The following ATG13 variants were observed in gnomAD, a reference collection of about 807,000 sequenced individuals.
ATG13 encodes autophagy related 13.
Under a neutral mutation model 65.5 loss-of-function variants are expected in ATG13, and 23 were observed. That is an observed-to-expected ratio of 0.35 (90% CI 0.25 to 0.50). The LOEUF is 0.50. Among genes scored for constraint, ATG13 ranks in the 20% least tolerant of loss-of-function variants. ATG13 has a pLI of 0.98. For missense variants in ATG13, 566 were observed against 677.0 expected (o/e 0.84, Z 1.82); for synonymous variants, 252 against 245.2 (o/e 1.03, Z -0.26).
chr11:46,633,070 G>A (rs2052550268), intron 2 of ATG13, among the ~76,000 whole-genome samples: 1 of 142,552 alleles, frequency 7.0e-6, no homozygotes, highest in African/African-American at 2.6e-5. Context: ...TGTCGCCCAG[G>A]CTGGAGTGCA....
intron 2 of ATG13, among the ~76,000 whole-genome samples, chr11:46,635,677 T>C (rs192861943): frequency 4.6e-5 from 7 of 152,348 alleles, no homozygotes; most frequent in Admixed American, 3.3e-4. Flanking sequence ...ATTTATCTTG[T>C]AGAGGATGAA....
intron 10 of ATG13, among the ~76,000 whole-genome samples, chr11:46,658,065 T>C (rs1021527594): frequency 1.3e-5 from 2 of 149,010 alleles, no homozygotes; most frequent in African/African-American, 4.9e-5. Flanking sequence ...TGAGACTCCT[T>C]CTCAAAAAAA....
At chr11:46,666,281 G>A (rs2062343746) in intron 14 of ATG13, among the ~76,000 whole-genome samples, 1 of 152,134 alleles carries the variant, frequency 6.6e-6, no homozygotes, top group African/African-American at 2.4e-5. Flanking sequence ...GTTGTCAGAT[G>A]TTTTTCTCTT....
At chr11:46,622,125 A>G (rs5791735) in intron 1 of ATG13, among the ~76,000 whole-genome samples, 2 of 79,030 alleles carry the variant, frequency 2.5e-5, no homozygotes, top group Non-Finnish European at 4.8e-5. Context: ...ATATATATAT[A>G]TATTTATTTT....
chr11:46,633,026 A>ATTTTT (rs746504456), intron 2 of ATG13, among the ~76,000 whole-genome samples: 113 of 90,682 alleles, frequency 1.2e-3, no homozygotes, highest in African/African-American at 6.8e-3. Context: ...ATATATATAT[A>ATTTTT]TTTTTTTTTT....
At chr11:46,659,206 A>C (rs768823226) in intron 10 of ATG13, 186 bp from the exon 11 acceptor site, 3 of 540,222 alleles carry the variant, frequency 5.6e-6, no homozygotes, top group Non-Finnish European at 9.9e-6. Context: ...AACATTGTCA[A>C]ACCTCTGAGT....
Position 46,667,816 on chromosome 11 carries a change from T to C in ATG13, c.1180T>C (p.Ser394Pro), listed in dbSNP as rs369262344. ...ATCAAACAGCAGTGAGGGACGGGCC[T>C]CCCCTCACGATGTCTTGGAGACCAT... Reference protein sequence around the residue: ...TVSNSSEGRASPHDVLETIFV... With the variant: ...TVSNSSEGRAPPHDVLETIFV... The change falls in exon 15 of 19, where the codon TCC (serine) becomes CCC (proline). Residue 394 changes from serine to proline, a missense_variant. This residue lies in a region of ATG13 where 387 missense variants were observed against 409.8 expected (regional missense o/e 0.94). Coordinates refer to ENST00000683050, the MANE Select transcript of ATG13 (RefSeq NM_001346311.2). The C allele has an allele frequency of 7.4e-6, 12 of 1,611,714 alleles. No homozygotes were observed. In the African/African-American group the frequency reaches 1.5e-4, roughly 20 times the overall value.
intron 5 of ATG13, among the ~76,000 whole-genome samples, chr11:46,647,809 G>A (rs1362869861): frequency 6.8e-6 from 1 of 147,002 alleles, no homozygotes; most frequent in Non-Finnish European, 1.5e-5. Context: ...GTGCAGTTCT[G>A]CTTATAGCTC....
Position 46,617,896 on chromosome 11 carries a change from A to G in ATG13, c.-70+6A>G, listed in dbSNP as rs1380414837. ...TTTGTGCCGCAGCTTCGCAGGTACTAACTTTTGCGGGGGATACCCCAAGAT... is the reference window on the plus strand; with the variant it reads ...TTTGTGCCGCAGCTTCGCAGGTACTGACTTTTGCGGGGGATACCCCAAGAT... On this transcript the variant is annotated splice_donor_region_variant and intron_variant, in intron 1 of 18. Transcript: ENST00000683050. 1 of 399,046 alleles carries G rather than the reference A, an allele frequency of 2.5e-6. No individual in the cohort carries two copies. The highest frequency in any genetic ancestry group is 4.4e-6 in the Non-Finnish European group (1 of 226,106). The allele number at this position is 399,046 out of a possible 1,614,324, so 24.7% of individuals were successfully genotyped here.
In ATG13 at chr11:46,664,050, G is replaced by A. The variant is rs376192845; in HGVS notation, c.843G>A (p.Thr281=). The A allele has an allele frequency of 2.4e-5, 39 of 1,597,154 alleles. No individual in the cohort carries two copies. The highest frequency in any genetic ancestry group is 1.1e-4 in the African/African-American group (8 of 74,664). The change falls in exon 12 of 19, where the codon ACG becomes ACA. Residue 281 remains threonine (T), a synonymous_variant. Coordinates refer to ENST00000683050, the MANE Select transcript of ATG13 (RefSeq NM_001346311.2). The stretch of plus-strand genomic sequence containing the variant: ...TTCAGACCCCTACTCCTGTGGTGAC[G>A]GACACCCTGAGGGTCCCCATGGCAG... ...AHFQTPTPVV[T]DTLRVPMAGL...
intron 9 of ATG13, 34 bp downstream of exon 9, chr11:46,657,225 T>G: frequency 6.4e-7 from 1 of 1,574,546 alleles, no homozygotes; most frequent in Non-Finnish European, 8.7e-7. Flanking sequence ...AAAGAACTCT[T>G]CCGAAAATGT....
At position 46,660,389 on chromosome 11, in the gene ATG13, T is replaced by TG. The variant is rs945426251; in HGVS notation, c.789+904_789+905insG. Among the ~76,000 whole-genome samples the TG allele has an allele frequency of 2.9e-3, 439 of 150,850 alleles. 22 individuals are homozygous for TG. The highest frequency in any genetic ancestry group is 5.2e-4 in the Non-Finnish European group (35 of 67,702). ...TTTTTATTTACTGTTGTTGTTGGTT[T>TG]TTTTTTTTTTTCAATTTTTCTTTTT... is the stretch of plus-strand genomic sequence containing the variant. On this transcript the variant is annotated intron_variant, in intron 11 of 18. Coordinates refer to ENST00000683050, the MANE Select transcript of ATG13 (RefSeq NM_001346311.2).
intron 5 of ATG13, 59 bp from the exon 6 acceptor site, chr11:46,649,076 CTG>C (rs1203512871): frequency 2.8e-5 from 40 of 1,419,090 alleles, no homozygotes; most frequent in Non-Finnish European, 3.5e-5. Context: ...TTTATAGTGA[CTG>C]TAATGCTTTG....
In ATG13 at chr11:46,644,280, T is replaced by A. The variant is rs773734147; in HGVS notation, c.-12T>A. 1 of 1,578,508 alleles carries A rather than the reference T, an allele frequency of 6.3e-7. No homozygotes were observed. The highest frequency in any genetic ancestry group is 1.2e-5 in the South Asian group (1 of 84,650). On this transcript the variant is annotated splice_region_variant and 5_prime_UTR_variant, in exon 3 of 19. Transcript: ENST00000683050. Reference sequence around the variant, plus strand: ...ATTTTTTTCACTTTTTTTTTTTAGATTCCTATAGGCAATGGAAACTGATCT... The same window carrying A: ...ATTTTTTTCACTTTTTTTTTTTAGAATCCTATAGGCAATGGAAACTGATCT...
Position 46,657,024 on chromosome 11 carries a change from A to G in ATG13, c.500-71A>G, listed in dbSNP as rs1011285041. ...GATTACACAATAGGCCAAATAATTC[A>G]GGGAAAGACGGTCTGGGGGCAGTGT... On this transcript the variant is annotated intron_variant, in intron 8 of 18. Transcript: ENST00000683050. 128 of 1,298,776 alleles carry G rather than the reference A, an allele frequency of 9.9e-5. No homozygotes were observed. The East Asian group carries it at 2.9e-3, about 29-fold the overall frequency. 80.5% of individuals were successfully genotyped at this position (1,298,776 alleles called of 1,614,324 possible). A position where few individuals can be genotyped will look rare whatever the true frequency, so the allele number is the denominator to read the frequency against.
chr11:46,623,945 A>G (rs2048587378), intron 1 of ATG13, among the ~76,000 whole-genome samples: 1 of 150,668 alleles, frequency 6.6e-6, no homozygotes, highest in Non-Finnish European at 1.5e-5. Context: ...TGAACCCTTC[A>G]GAGATGTTAC....
At chr11:46,647,293 G>GTTTTTTTTTTTTT (rs1174804865) in intron 5 of ATG13, among the ~76,000 whole-genome samples, 1 of 108,908 alleles carries the variant, frequency 9.2e-6, no homozygotes, top group Non-Finnish European at 2.0e-5. Context: ...TTTTTTTTTT[G>GTTTTTTTTTTTTT]TTTTTTTTTT....
intron 18 of ATG13, among the ~76,000 whole-genome samples, chr11:46,669,868 T>C (rs1300104772): frequency 6.6e-6 from 1 of 152,128 alleles, no homozygotes; most frequent in African/African-American, 2.4e-5. Context: ...CAGATGCCAG[T>C]GGTACTGGGC....
Position 46,668,525 on chromosome 11 carries a change from C to T in ATG13, c.1278C>T (p.Pro426=). ...NQVTLTSLDI[P]FAMFAPKNLE... is the part of the protein sequence containing the mutation. ...TGACCCTGACGAGTTTGGATATACC[C>T]TTTGCCATGTTTGCTCCCAAGAATT... is the stretch of plus-strand genomic sequence containing the variant. The change falls in exon 16 of 19, where the codon CCC becomes CCT. Residue 426 remains proline, a synonymous_variant. Transcript: ENST00000683050. 1 of 1,614,228 alleles carries T rather than the reference C, an allele frequency of 6.2e-7. No homozygotes were observed. The highest frequency in any genetic ancestry group is 1.7e-5 in the Admixed American group (1 of 60,022).
Sources: allele counts gnomAD v4.1 joint callset (sites outside exome capture counted in the v4.1 genomes callset), GRCh38; gene constraint gnomAD v4.1.1; regional missense constraint gnomAD v4.1.1; transcripts MANE v1.5; gene names NCBI Gene and HGNC (gene_info 2026-07-23, HGNC 2026-07-21).